Variants in SHISA6 observed in about 807,000 individuals in gnomAD.
SHISA6 encodes the protein protein shisa-6.
A neutral mutation model predicts 47.9 loss-of-function variants in SHISA6; 22 were observed. The observed-to-expected ratio is 0.46, with a 90% CI of 0.33 to 0.66. The LOEUF (loss-of-function observed/expected upper bound fraction) is 0.66, where lower values mean the gene tolerates loss of function less well. Among genes scored for constraint, SHISA6 ranks in the 30% least tolerant of loss-of-function variants. The probability of loss-of-function intolerance (pLI) is 0.02; values close to 1 mark genes in which losing one functional copy is unlikely to be tolerated. For synonymous variants in SHISA6, 388 were observed against 337.8 expected (o/e 1.15, Z -1.63); for missense variants, 680 against 764.6 (o/e 0.89, Z 1.30).
intron 2 of SHISA6, among the ~76,000 whole-genome samples, chr17:11,365,509 C>T (rs1912421810): frequency 6.6e-6 from 1 of 152,142 alleles, no homozygotes; most frequent in Admixed American, 6.6e-5. Context: ...AGCTCCTGAC[C>T]TCAAGTGACC....
intron 2 of SHISA6, among the ~76,000 whole-genome samples, chr17:11,370,612 C>G (rs1912604385): frequency 1.3e-5 from 2 of 152,292 alleles, no homozygotes; most frequent in South Asian, 2.1e-4. Context: ...AGTCCCCACC[C>G]CATCTTGCCT....
At chr17:11,343,423 T>C (rs1312649443) in intron 2 of SHISA6, among the ~76,000 whole-genome samples, 1 of 152,080 alleles carries the variant, frequency 6.6e-6, no homozygotes, top group Non-Finnish European at 1.5e-5. Context: ...GGGGGTGTGA[T>C]ACCAGTGAGT....
intron 3 of SHISA6, among the ~76,000 whole-genome samples, chr17:11,393,572 T>C (rs116246061): frequency 0.037 from 5,569 of 152,318 alleles, 186 homozygotes; most frequent in Admixed American, 0.088. Context: ...AGCTCAGCTC[T>C]ATTGTTATTA....
At chr17:11,480,426 C>T in intron 3 of SHISA6, among the ~76,000 whole-genome samples, 1 of 152,050 alleles carries the variant, frequency 6.6e-6, no homozygotes, top group East Asian at 1.9e-4. Context: ...AAATGGAAAT[C>T]TGAAGAATGA....
chr17:11,307,912 A>T (rs1000735334), intron 2 of SHISA6, among the ~76,000 whole-genome samples: 1 of 152,240 alleles, frequency 6.6e-6, no homozygotes, highest in Non-Finnish European at 1.5e-5. Flanking sequence ...TGTTGAAGGT[A>T]GAATAACTAA....
At chr17:11,340,613 T>G (rs2142212416) in intron 2 of SHISA6, among the ~76,000 whole-genome samples, 1 of 152,320 alleles carries the variant, frequency 6.6e-6, no homozygotes, top group South Asian at 2.1e-4. Context: ...GGCCATGTGC[T>G]TGTACAGAGG....
At chr17:11,415,995 C>T (rs1410747742) in intron 3 of SHISA6, among the ~76,000 whole-genome samples, 3 of 152,166 alleles carry the variant, frequency 2.0e-5, no homozygotes, top group Non-Finnish European at 4.4e-5. Context: ...GGCTTCGTCT[C>T]CTTATATCCT....
rs545910485 is a variant in SHISA6 at position 11,489,343 on chromosome 17, A to G, written c.896-62553A>G. Among the ~76,000 whole-genome samples the G allele has an allele frequency of 8.9e-4, 135 of 151,974 alleles. 1 individual carries two copies. Among genetic ancestry groups the G allele is most frequent in the African/African-American group, 3.1e-3 (130 of 41,432 alleles). ...TTATCTATTTTTTGCAAATCTCCCA[A>G]TCTAGTCCACTGAGCATCTGACATG... On this transcript the variant is annotated intron_variant, in intron 3 of 5. Transcript: ENST00000441885.
chr17:11,306,366 T>C (rs575349086), intron 2 of SHISA6, among the ~76,000 whole-genome samples: 1 of 152,132 alleles, frequency 6.6e-6, no homozygotes, highest in African/African-American at 2.4e-5. Flanking sequence ...CAGTTTCCAT[T>C]GAGAAAAGAG....
chr17:11,491,768 G>GTTTTTTTTT (rs768280409), intron 3 of SHISA6, among the ~76,000 whole-genome samples: 4 of 107,884 alleles, frequency 3.7e-5, no homozygotes, highest in Non-Finnish European at 2.0e-5. Context: ...AGCTGGTGAA[G>GTTTTTTTTT]TGTTTTTTTT....
intron 3 of SHISA6, among the ~76,000 whole-genome samples, chr17:11,516,362 A>G (rs1567626724): frequency 6.6e-6 from 1 of 152,220 alleles, no homozygotes; most frequent in East Asian, 1.9e-4. Flanking sequence ...GTCCAATTCT[A>G]GTCCTGCTGC....
chr17:11,382,928 CTTTTT>C lies in SHISA6; in HGVS notation c.895+3441_895+3445del, dbSNP rs10601084. On this transcript the variant is annotated intron_variant, in intron 3 of 5. Transcript: ENST00000441885. ...CTTAGTCGACATCAGTCCTGTCAGC[CTTTTT>C]TTTTTTTTTTTTTTTTTTTTTGAGA... 5.1e-3 allele frequency among the ~76,000 whole-genome samples: 360 copies of C among 70,834 alleles called. 2 individuals are homozygous for C. Among genetic ancestry groups the C allele is most frequent in the African/African-American group, 0.018 (345 of 18,798 alleles). The allele number at this position is 70,834 out of a possible 152,430, so 46.5% of individuals were successfully genotyped here.
intron 3 of SHISA6, among the ~76,000 whole-genome samples, chr17:11,487,104 A>G (rs1201213366): frequency 6.6e-6 from 1 of 152,200 alleles, no homozygotes; most frequent in African/African-American, 2.4e-5. Flanking sequence ...CTTTACAGAA[A>G]AACATTTACT....
At chr17:11,535,941 C>CAT (rs2071783195) in intron 3 of SHISA6, among the ~76,000 whole-genome samples, 1 of 151,518 alleles carries the variant, frequency 6.6e-6, no homozygotes, top group African/African-American at 2.4e-5. Context: ...CATATGTACA[C>CAT]ATATATATAC....
chr17:11,521,102 C>T (rs772300878), intron 3 of SHISA6, among the ~76,000 whole-genome samples: 23 of 152,160 alleles, frequency 1.5e-4, no homozygotes, highest in Admixed American at 7.9e-4. Flanking sequence ...TTAAGATAGA[C>T]TTTTCTGGTC....
chr17:11,396,883 A>G (rs1913589349), intron 3 of SHISA6, among the ~76,000 whole-genome samples: 1 of 152,182 alleles, frequency 6.6e-6, no homozygotes, highest in Admixed American at 6.5e-5. Context: ...CGTTCTGCAC[A>G]TGTATCTCAG....
chr17:11,310,875 T>A (rs1473955695), intron 2 of SHISA6, among the ~76,000 whole-genome samples: 1 of 151,094 alleles, frequency 6.6e-6, no homozygotes, highest in Non-Finnish European at 1.5e-5. Flanking sequence ...TTGGGGGGCC[T>A]AGGTGGGCGC....
At chr17:11,547,036 T>C (rs548595714) in intron 3 of SHISA6, among the ~76,000 whole-genome samples, 16 of 152,262 alleles carry the variant, frequency 1.1e-4, no homozygotes, top group South Asian at 2.1e-4. Flanking sequence ...TGCTGAATAA[T>C]GTAGCTGTGA....
intron 3 of SHISA6, among the ~76,000 whole-genome samples, chr17:11,405,234 G>A (rs12939441): frequency 0.49 from 74,081 of 151,976 alleles, 18,596 homozygotes; most frequent in Middle Eastern, 0.55. Context: ...TAAATCACCA[G>A]GGGATGTTGT....
Sources: gnomAD v4.1 joint callset for allele counts (sites outside exome capture counted in the v4.1 genomes callset) on GRCh38, gnomAD v4.1.1 for gene constraint, MANE v1.5 for transcripts, NCBI Gene and HGNC (gene_info 2026-07-23, HGNC 2026-07-21) for gene names.